The following TRPM4 variants were observed in gnomAD, a reference collection of about 807,000 sequenced individuals.
The protein encoded by TRPM4 is transient receptor potential cation channel subfamily M member 4.
In TRPM4, 124 loss-of-function variants were observed where a neutral mutation model predicts 135.6. The observed-to-expected ratio is 0.91, with a 90% CI of 0.79 to 1.06. The LOEUF (loss-of-function observed/expected upper bound fraction) is 1.06, where lower values mean the gene tolerates loss of function less well. Ranked by LOEUF, TRPM4 falls within the 50% of genes least tolerant of loss-of-function variation. TRPM4 has a pLI of 0.00. For missense variants in TRPM4, 1,658 were observed against 1,671.4 expected, an observed-to-expected ratio of 0.99 and a Z score of 0.14; for synonymous variants, 745 against 705.6, an observed-to-expected ratio of 1.06 and a Z score of -0.88.
intron 16 of TRPM4, among the ~76,000 whole-genome samples, chr19:49,194,925 AT>A (rs1167147460): frequency 1.8e-3 from 251 of 135,886 alleles, no homozygotes; most frequent in South Asian, 0.01. Flanking sequence ...CACCTGGCTA[AT>A]TTTTTTTTTT....
rs751419162 is a variant in TRPM4, at chr19:49,166,021, C to T, written c.93-20C>T. ...GTCGGGGGGCAGCCCTGGGTTCACGCTCCGCCCTCGCACCCCCAGAGGGAC... is the reference window on the plus strand; with the variant it reads ...GTCGGGGGGCAGCCCTGGGTTCACGTTCCGCCCTCGCACCCCCAGAGGGAC... On this transcript the variant is annotated intron_variant, in intron 2 of 24. Coordinates refer to ENST00000252826, the MANE Select transcript of TRPM4 (RefSeq NM_017636.4). The T allele has an allele frequency of 1.9e-6, 3 of 1,574,370 alleles. No individual in the cohort carries two copies. The highest frequency in any genetic ancestry group is 1.3e-5 in the African/African-American group (1 of 74,430).
At position 49,175,067 on chromosome 19, in the gene TRPM4, CTTTTTTTTT is replaced by C. The variant is rs772062913; in HGVS notation, c.1150+2976_1150+2984del. Among the ~76,000 whole-genome samples, 8 of 77,594 alleles carry C rather than the reference CTTTTTTTTT, an allele frequency of 1.0e-4. 1 individual carries two copies. Among genetic ancestry groups the C allele is most frequent in the African/African-American group, 5.2e-4 (7 of 13,518 alleles). The allele number at this position is 77,594 out of a possible 152,430, so 50.9% of individuals were successfully genotyped here. The stretch of plus-strand genomic sequence containing the variant: ...CACAGGCATGTGCCATCATGCCTGG[CTTTTTTTTT>C]TTTTTTTTTTTTTTTTGAGACGGAG... On this transcript the variant is annotated intron_variant, in intron 9 of 24. Coordinates refer to ENST00000252826, the MANE Select transcript of TRPM4 (RefSeq NM_017636.4).
intron 16 of TRPM4, 45 bp downstream of exon 16, chr19:49,190,818 C>T (rs750986371): frequency 1.3e-6 from 2 of 1,567,004 alleles, no homozygotes; most frequent in Non-Finnish European, 1.8e-6. Flanking sequence ...ACACCCTGGG[C>T]AGTTCAGGAC....
rs1968035683 is a variant in TRPM4, at chr19:49,182,792, G to C, written c.1478G>C (p.Gly493Ala). Residue 493 changes from glycine to alanine, a missense_variant, in exon 11 of 25, where the codon GGG becomes GCG. Around this residue, in one of 3 missense-constraint regions of TRPM4, gnomAD observed 1,412 missense variants for 1,408.7 expected, o/e 1.00. Transcript: ENST00000252826. ...GGCACCAAAGCCCCAGCCCTAAAAG[G>C]GGGAGCTGCGGAGCTCCGGCCCCCT... ...SAGTKAPALKGGAAELRPPDV... is the reference protein window; with the variant it reads ...SAGTKAPALKAGAAELRPPDV... 2 of 1,577,628 alleles carry C rather than the reference G, an allele frequency of 1.3e-6. No homozygotes were observed. The highest frequency in any genetic ancestry group is 4.5e-5 in the East Asian group (2 of 44,868).
At position 49,190,793 on chromosome 19, in the gene TRPM4, C is replaced by G; in HGVS notation, c.2210+20C>G. The G allele has an allele frequency of 1.2e-6, 2 of 1,612,532 alleles. No individual in the cohort carries two copies. Among genetic ancestry groups the G allele is most frequent in the Non-Finnish European group, 1.7e-6 (2 of 1,178,608 alleles). Reference sequence around the variant, plus strand: ...TGTCGGGTGAGTGGAGCCTCCAGCACTGTGTGAGGTGGGGACACCCTGGGC... The same window carrying G: ...TGTCGGGTGAGTGGAGCCTCCAGCAGTGTGTGAGGTGGGGACACCCTGGGC... On this transcript the variant is annotated intron_variant, in intron 16 of 24. Transcript: ENST00000252826.
At chr19:49,176,564 A>G (rs1282495852) in intron 9 of TRPM4, among the ~76,000 whole-genome samples, 2 of 152,122 alleles carry the variant, frequency 1.3e-5, no homozygotes, top group African/African-American at 4.8e-5. Context: ...GAATTTAAAT[A>G]CCAGCTTGGG....
At chr19:49,160,857 G>A (rs2122743169) in intron 2 of TRPM4, among the ~76,000 whole-genome samples, 1 of 152,202 alleles carries the variant, frequency 6.6e-6, no homozygotes, top group East Asian at 1.9e-4. Context: ...ACACAGAGAG[G>A]AGGGCATGGG....
Position 49,168,107 on chromosome 19 carries a change from G to A in TRPM4, c.448+10G>A. 1 of 1,598,800 alleles carries A rather than the reference G, an allele frequency of 6.3e-7. No individual in the cohort carries two copies. Among genetic ancestry groups the A allele is most frequent in the East Asian group, 2.2e-5 (1 of 44,796 alleles). On this transcript the variant is annotated intron_variant, in intron 4 of 24. Transcript: ENST00000252826. ...GCTGCCCAGAGCACAGGTGACCGAG[G>A]GTGGGTGGGGGCTGTCTCCTGGGCC...
At chr19:49,190,802 G>A (rs1316503778) in intron 16 of TRPM4, 29 bp downstream of exon 16, 1 of 1,607,924 alleles carries the variant, frequency 6.2e-7, no homozygotes, top group African/African-American at 1.3e-5. Flanking sequence ...ACTGTGTGAG[G>A]TGGGGACACC....
At chr19:49,164,631 C>G (rs1445512502) in intron 2 of TRPM4, among the ~76,000 whole-genome samples, 1 of 151,894 alleles carries the variant, frequency 6.6e-6, no homozygotes, top group Non-Finnish European at 1.5e-5. Flanking sequence ...ATCCACCCGC[C>G]TCAGCCTCCC....
Position 49,200,327 on chromosome 19 carries a change from C to T in TRPM4, c.2673C>T (p.Gly891=), listed in dbSNP as rs1968865614. ...CRLTPGLYHL[G]RTVLCIDFMV... is the part of the protein sequence containing the mutation. ...TGACCCCGGGTTTGTACCACCTGGG[C>T]CGCACTGTCCTCTGCATCGACTTCA... is the stretch of plus-strand genomic sequence containing the variant. The change falls in exon 18 of 25, where the codon GGC becomes GGT. Residue 891 remains glycine, a synonymous_variant. Transcript: ENST00000252826. The T allele has an allele frequency of 1.2e-6, 2 of 1,614,024 alleles. No homozygotes were observed. Among genetic ancestry groups the T allele is most frequent in the African/African-American group, 2.7e-5 (2 of 74,912 alleles).
intron 19 of TRPM4, among the ~76,000 whole-genome samples, chr19:49,201,501 T>C (rs1230301346): frequency 6.6e-6 from 1 of 152,224 alleles, no homozygotes; most frequent in Non-Finnish European, 1.5e-5. Flanking sequence ...CTAGTAGATA[T>C]TTAAGAATGT....
At chr19:49,166,307 G>C in intron 3 of TRPM4, 92 bp downstream of exon 3, 1 of 1,351,658 alleles carries the variant, frequency 7.4e-7, no homozygotes, top group Admixed American at 2.4e-5. Context: ...CCTGAACCCT[G>C]GCCCCTCCGC....
chr19:49,182,972 G>A (rs1968051208), intron 11 of TRPM4, 50 bp downstream of exon 11: 1 of 1,590,762 alleles, frequency 6.3e-7, no homozygotes, highest in South Asian at 1.1e-5. Flanking sequence ...AAGGACCTGG[G>A]GGCGGGATTA....
chr19:49,168,557 C>T lies in TRPM4; in HGVS notation c.617C>T (p.Ser206Leu), dbSNP rs376782481. ...NRDTLINPKG[S>L]FPARYRWRGD... ...GTCTGGCCATTTTTCCCCTAGGGCT[C>T]GTTCCCTGCGAGGTACCGGTGGCGC... is the stretch of plus-strand genomic sequence containing the variant. The change falls in exon 6 of 25, where the codon TCG becomes TTG. Residue 206 changes from serine to leucine, a missense_variant. By Grantham distance (145) the Ser-to-Leu change is moderately radical. This residue lies in a region of TRPM4 where 1,412 missense variants were observed against 1,408.7 expected (regional missense o/e 1.00). Transcript: ENST00000252826. 9.3e-6 allele frequency: 15 copies of T among 1,613,868 alleles called. No homozygotes were observed. In the East Asian group the frequency reaches 1.3e-4, roughly 14 times the overall value.
At chr19:49,178,830 C>G (rs1239612312) in intron 9 of TRPM4, among the ~76,000 whole-genome samples, 1 of 151,850 alleles carries the variant, frequency 6.6e-6, no homozygotes, top group Non-Finnish European at 1.5e-5. Context: ...ACGATCTTGG[C>G]TCACTACAAG....
chr19:49,169,894 G>T (rs1002881649), intron 6 of TRPM4, among the ~76,000 whole-genome samples: 10 of 152,062 alleles, frequency 6.6e-5, no homozygotes, highest in Non-Finnish European at 1.5e-4. Context: ...ACATGAACAA[G>T]ATACATTACT....
intron 4 of TRPM4, 58 bp downstream of exon 4, chr19:49,168,155 CACG>C: frequency 2.5e-6 from 4 of 1,592,806 alleles, no homozygotes; most frequent in Non-Finnish European, 3.4e-6. Context: ...CCATCTCCCC[CACG>C]ACTGTGGGTG....
In TRPM4 at chr19:49,186,564, T is replaced by TC. The variant is rs372539569; in HGVS notation, c.1744-2076dup. On this transcript the variant is annotated intron_variant, in intron 12 of 24. Coordinates refer to ENST00000252826, the MANE Select transcript of TRPM4 (RefSeq NM_017636.4). ...CTTGCCTCAGATGGATGTGGTTAAT[T>TC]CATTTGCCTTTAAAAGATTTTAACA... 3.3e-3 allele frequency among the ~76,000 whole-genome samples: 497 copies of TC among 152,268 alleles called. 2 individuals are homozygous for TC. The highest frequency in any genetic ancestry group is 0.012 in the African/African-American group (478 of 41,554).
Sources: gnomAD v4.1 joint callset for allele counts (sites outside exome capture counted in the v4.1 genomes callset) on GRCh38, gnomAD v4.1.1 for gene constraint, gnomAD v4.1.1 regional missense constraint, MANE v1.5 for transcripts, NCBI Gene and HGNC (gene_info 2026-07-23, HGNC 2026-07-21) for gene names.